Variants in CD99L2 observed in about 807,000 individuals in gnomAD.
CD99L2 encodes the protein CD99 antigen-like protein 2.
In CD99L2, 24 loss-of-function variants were observed where a neutral mutation model predicts 27.3. That is an observed-to-expected ratio of 0.88 (90% CI 0.64 to 1.24). The LOEUF (loss-of-function observed/expected upper bound fraction) is 1.24. Ranked by LOEUF, CD99L2 falls within the 50% of genes most tolerant of loss-of-function variation. CD99L2 has a pLI of 0.00. For synonymous variants in CD99L2, 97 were observed against 87.9 expected, an observed-to-expected ratio of 1.10 and a Z score of -0.58; for missense variants, 255 against 221.6, an observed-to-expected ratio of 1.15 and a Z score of -0.96.
intron 1 of CD99L2, among the ~76,000 whole-genome samples, chrX:150,843,485 C>A (rs1419176799): frequency 2.7e-5 from 3 of 109,672 alleles, no homozygotes; most frequent in African/African-American, 1.0e-4. Flanking sequence ...CCCGTCTCTA[C>A]TAAAAATACA....
chrX:150,830,881 T>C (rs1382805738), intron 2 of CD99L2, among the ~76,000 whole-genome samples: 1 of 111,050 alleles, frequency 9.0e-6, no homozygotes, highest in Non-Finnish European at 1.9e-5. Context: ...TGATCTTGGC[T>C]CACTGCAACC....
chrX:150,836,729 G>C (rs1457054648), intron 1 of CD99L2, among the ~76,000 whole-genome samples: 1 of 111,757 alleles, frequency 8.9e-6, no homozygotes, highest in Non-Finnish European at 1.9e-5. Flanking sequence ...ATCATAGGGT[G>C]TCCTTACACA....
intron 1 of CD99L2, among the ~76,000 whole-genome samples, chrX:150,887,738 T>TC (rs1231837067): frequency 9.0e-6 from 1 of 110,934 alleles, no homozygotes; most frequent in Non-Finnish European, 1.9e-5. Flanking sequence ...AGCTGATCCA[T>TC]CCCCCGCTCA....
chrX:150,853,973 C>T (rs2046831673), intron 1 of CD99L2, among the ~76,000 whole-genome samples: 1 of 111,821 alleles, frequency 8.9e-6, no homozygotes, highest in Non-Finnish European at 1.9e-5. Flanking sequence ...CAGAGAATGG[C>T]TAATGAGCTA....
Position 150,884,386 on chromosome X carries a change from A to G in CD99L2, c.67+14136T>C, listed in dbSNP as rs192785147. ...GCAGTTAACATCCTAGGATTAATAT[A>G]TAAGTAGTTGGGCTGGGCACAATGT... On this transcript the variant is annotated intron_variant, in intron 1 of 10. Transcript: ENST00000370377. 6.8e-4 allele frequency among the ~76,000 whole-genome samples: 76 copies of G among 112,025 alleles called. 1 individual carries two copies. The highest frequency in any genetic ancestry group is 2.1e-3 in the African/African-American group (64 of 30,847).
chrX:150,821,058 A>C (rs781903848), intron 2 of CD99L2, among the ~76,000 whole-genome samples: 2 of 112,294 alleles, frequency 1.8e-5, no homozygotes, highest in African/African-American at 3.2e-5. Flanking sequence ...TCCATAGATT[A>C]CAAGACTCAA....
At chrX:150,781,329 C>T (rs900653404) in intron 7 of CD99L2, among the ~76,000 whole-genome samples, 17 of 111,710 alleles carry the variant, frequency 1.5e-4, no homozygotes, top group Admixed American at 3.8e-4. Context: ...ACTCCGAGCA[C>T]GCAGTCAGAA....
chrX:150,795,853 T>C (rs782188355), intron 4 of CD99L2, among the ~76,000 whole-genome samples: 42 of 111,964 alleles, frequency 3.8e-4, no homozygotes, highest in Non-Finnish European at 7.0e-4. Context: ...ACTTGAACTA[T>C]AGCTAATCCT....
chrX:150,878,626 A>G (rs940703144), intron 1 of CD99L2, among the ~76,000 whole-genome samples: 55 of 111,328 alleles, frequency 4.9e-4, no homozygotes, highest in African/African-American at 1.6e-3. Flanking sequence ...GTGCAATCGG[A>G]ATCCCAACGG....
chrX:150,835,472 G>A (rs1423817118), intron 1 of CD99L2, among the ~76,000 whole-genome samples: 1 of 112,123 alleles, frequency 8.9e-6, no homozygotes, highest in Non-Finnish European at 1.9e-5. Context: ...TGAGGTTACA[G>A]TGAGTGTGTA....
chrX:150,839,758 G>A (rs1211009943), intron 1 of CD99L2, among the ~76,000 whole-genome samples: 1 of 109,666 alleles, frequency 9.1e-6, no homozygotes, highest in Non-Finnish European at 1.9e-5. Context: ...TGGGGGACCA[G>A]GTATGGTATC....
chrX:150,792,990 C>T (rs782682654), intron 7 of CD99L2, among the ~76,000 whole-genome samples: 10 of 111,698 alleles, frequency 9.0e-5, no homozygotes, highest in Non-Finnish European at 1.9e-4. Flanking sequence ...AACAGTTCTG[C>T]CTGCTAATTA....
chrX:150,893,423 C>T (rs956533106), intron 1 of CD99L2, among the ~76,000 whole-genome samples: 18 of 109,039 alleles, frequency 1.7e-4, no homozygotes, highest in Non-Finnish European at 3.0e-4. Flanking sequence ...TCTGGCTCAG[C>T]CCAATACCCC....
chrX:150,846,771 C>T (rs182728391), intron 1 of CD99L2, among the ~76,000 whole-genome samples: 10 of 111,636 alleles, frequency 9.0e-5, no homozygotes, highest in Admixed American at 2.8e-4. Context: ...TCTACTGATA[C>T]GACATAAGTT....
intron 1 of CD99L2, among the ~76,000 whole-genome samples, chrX:150,860,936 T>C (rs2046965564): frequency 9.2e-6 from 1 of 108,929 alleles, no homozygotes; most frequent in African/African-American, 3.4e-5. Flanking sequence ...GGTCAGGAGA[T>C]CAAGACCATC....
At chrX:150,887,319 G>A (rs2047428386) in intron 1 of CD99L2, among the ~76,000 whole-genome samples, 1 of 109,341 alleles carries the variant, frequency 9.1e-6, no homozygotes, top group African/African-American at 3.3e-5. Context: ...GGTGGCGCAT[G>A]CCTGTAATCG....
intron 1 of CD99L2, among the ~76,000 whole-genome samples, chrX:150,890,989 C>A (rs1224831711): frequency 8.9e-6 from 1 of 112,915 alleles, no homozygotes. Context: ...CTCAGATATG[C>A]TTCTAAACAT....
chrX:150,888,513 CA>C (rs1424852042), intron 1 of CD99L2, among the ~76,000 whole-genome samples: 2 of 111,843 alleles, frequency 1.8e-5, no homozygotes, highest in African/African-American at 6.5e-5. Flanking sequence ...GAGCCAGTGC[CA>C]GGGGTTAGGG....
intron 4 of CD99L2, among the ~76,000 whole-genome samples, chrX:150,807,244 C>T (rs2046009020): frequency 9.0e-6 from 1 of 111,035 alleles, no homozygotes; most frequent in Non-Finnish European, 1.9e-5. Context: ...GACCAGCAGG[C>T]ACTATATATC....
Sources: allele counts gnomAD v4.1 joint callset (sites outside exome capture counted in the v4.1 genomes callset), GRCh38; gene constraint gnomAD v4.1.1; transcripts MANE v1.5; gene names NCBI Gene and HGNC (gene_info 2026-07-23, HGNC 2026-07-21).